Variants in SGTB observed in about 807,000 individuals in gnomAD.
The protein encoded by SGTB is small glutamine-rich tetratricopeptide repeat-containing protein beta.
A neutral mutation model predicts 43.9 loss-of-function variants in SGTB; 19 were observed. The ratio of observed to expected loss-of-function variants is 0.43; its 90% CI spans 0.30 to 0.63. SGTB has a LOEUF of 0.63. Ranked by LOEUF, SGTB falls within the 30% of genes least tolerant of loss-of-function variation. The pLI, the probability that SGTB is intolerant of heterozygous loss-of-function variation, is 0.12. For synonymous variants in SGTB, 116 were observed against 117.3 expected, an observed-to-expected ratio of 0.99 and a Z score of 0.07; for missense variants, 304 against 358.9, an observed-to-expected ratio of 0.85 and a Z score of 1.24.
At chr5:65,696,815 C>G (rs1168327611) in intron 5 of SGTB, among the ~76,000 whole-genome samples, 2 of 151,984 alleles carry the variant, frequency 1.3e-5, no homozygotes, top group Non-Finnish European at 2.9e-5. Context: ...AAAGTGGAGC[C>G]TAAAGCATCA....
At chr5:65,688,113 T>C (rs534301969) in intron 5 of SGTB, among the ~76,000 whole-genome samples, 35 of 152,160 alleles carry the variant, frequency 2.3e-4, no homozygotes, top group Non-Finnish European at 4.4e-4. Flanking sequence ...CCAAATTTCA[T>C]CTAAGAATTC....
At chr5:65,688,123 CACA>C (rs913030465) in intron 5 of SGTB, among the ~76,000 whole-genome samples, 2 of 152,066 alleles carry the variant, frequency 1.3e-5, no homozygotes, top group African/African-American at 2.4e-5. Flanking sequence ...TCTAAGAATT[CACA>C]ACATTTATTG....
intron 5 of SGTB, among the ~76,000 whole-genome samples, chr5:65,691,529 T>C (rs1387733402): frequency 6.6e-6 from 1 of 151,536 alleles, no homozygotes; most frequent in Non-Finnish European, 1.5e-5. Context: ...TGTTTCACCA[T>C]ATTGGCCAGG....
chr5:65,705,879 A>C (rs1368043991), intron 4 of SGTB, among the ~76,000 whole-genome samples: 3 of 143,366 alleles, frequency 2.1e-5, no homozygotes, highest in Admixed American at 7.0e-5. Flanking sequence ...AAAAAAAAAA[A>C]CACAAAAATT....
intron 1 of SGTB, among the ~76,000 whole-genome samples, chr5:65,721,673 G>C (rs1758284788): frequency 6.6e-6 from 1 of 152,212 alleles, no homozygotes; most frequent in South Asian, 2.1e-4. Context: ...AGGCCACGGG[G>C]TCATAAGCAC....
At chr5:65,711,535 C>T (rs1344596377) in intron 3 of SGTB, among the ~76,000 whole-genome samples, 1 of 152,184 alleles carries the variant, frequency 6.6e-6, no homozygotes, top group African/African-American at 2.4e-5. Context: ...CTGAGGGGGC[C>T]ACAGGCCCAG....
intron 3 of SGTB, among the ~76,000 whole-genome samples, chr5:65,709,317 A>G (rs1235525381): frequency 2.0e-5 from 3 of 152,104 alleles, no homozygotes; most frequent in African/African-American, 7.2e-5. Flanking sequence ...ACACATTAAA[A>G]ACAGCCTGGA....
chr5:65,716,076 T>C (rs1000269136), intron 2 of SGTB, among the ~76,000 whole-genome samples: 4 of 152,154 alleles, frequency 2.6e-5, no homozygotes, highest in Non-Finnish European at 5.9e-5. Flanking sequence ...GGCCCACAGC[T>C]GCAGGTTTAA....
At chr5:65,714,197 C>A (rs1487137546) in intron 2 of SGTB, among the ~76,000 whole-genome samples, 1 of 152,064 alleles carries the variant, frequency 6.6e-6, no homozygotes, top group Non-Finnish European at 1.5e-5. Flanking sequence ...GGAAGAAGCA[C>A]TAAATATTAA....
upstream of SGTB, chr5:65,722,719 A>G: frequency 2.4e-6 from 1 of 418,526 alleles, no homozygotes. Flanking sequence ...TGGATAAGAA[A>G]ATCATTTCAC....
At chr5:65,694,562 G>A (rs1045629995) in intron 5 of SGTB, among the ~76,000 whole-genome samples, 3 of 152,024 alleles carry the variant, frequency 2.0e-5, no homozygotes, top group African/African-American at 4.8e-5. Flanking sequence ...TGCAACCTCC[G>A]CCTCCCGGAT....
Position 65,667,241 on chromosome 5 carries a change from TCTGTAGTGTATTCC to T in SGTB, c.*2991_*3004del. On this transcript the variant is annotated 3_prime_UTR_variant, in exon 11 of 11. Transcript: ENST00000381007. ...AGTTAGCCTTTTAATAACTATAGTG[TCTGTAGTGTATTCC>T]CTTTCATTTCTGACACTGAATTTGT... is the stretch of plus-strand genomic sequence containing the variant. 1 of 102,568 alleles carries T rather than the reference TCTGTAGTGTATTCC, an allele frequency of 9.7e-6. No individual in the cohort carries two copies. Among genetic ancestry groups the T allele is most frequent in the South Asian group, 3.3e-4 (1 of 2,988 alleles). 6.4% of individuals were successfully genotyped at this position (102,568 alleles called of 1,614,324 possible). A position where few individuals can be genotyped will look rare whatever the true frequency, so the allele number is the denominator to read the frequency against.
chr5:65,699,663 C>T (rs1385033642), intron 5 of SGTB, among the ~76,000 whole-genome samples: 3 of 152,182 alleles, frequency 2.0e-5, no homozygotes, highest in Admixed American at 1.3e-4. Context: ...GACAGGATTT[C>T]ATCACATTGG....
chr5:65,722,476 G>A, upstream of SGTB: 1 of 1,445,162 alleles, frequency 6.9e-7, no homozygotes, highest in Non-Finnish European at 9.4e-7. Flanking sequence ...GCCGTGTGGT[G>A]CCTGGAGCCC....
upstream of SGTB, among the ~76,000 whole-genome samples, chr5:65,722,590 G>A (rs1328707661): frequency 2.0e-5 from 3 of 152,206 alleles, no homozygotes; most frequent in Admixed American, 6.5e-5. Context: ...GGCCACCTGG[G>A]GCCACCTTTC....
rs1165013135 is a variant in SGTB, at chr5:65,673,292, G to A, written c.682-1011C>T. Among the ~76,000 whole-genome samples the A allele has an allele frequency of 2.0e-5, 3 of 152,272 alleles. No homozygotes were observed. The East Asian group carries it at 5.8e-4, about 29-fold the overall frequency. Reference sequence around the variant, plus strand: ...TCCTAGCATGGGCCTGCTACAGACTGACCGGTTGTAGTAGAAAAGAGGCAC... The same window carrying A: ...TCCTAGCATGGGCCTGCTACAGACTAACCGGTTGTAGTAGAAAAGAGGCAC... On this transcript the variant is annotated intron_variant, in intron 8 of 10. Transcript: ENST00000381007.
intron 6 of SGTB, among the ~76,000 whole-genome samples, chr5:65,682,635 AC>A (rs1757419295): frequency 6.6e-6 from 1 of 152,204 alleles, no homozygotes; most frequent in Admixed American, 6.5e-5. Context: ...TAGGCTTCTG[AC>A]CTGTGCATGG....
chr5:65,722,214 C>A (rs1292019129), upstream of SGTB: 1 of 376,562 alleles, frequency 2.7e-6, no homozygotes, highest in Non-Finnish European at 4.6e-6. Flanking sequence ...TAGGCGCCGG[C>A]GTGGAGCTGC....
Position 65,670,917 on chromosome 5 carries a change from A to T in SGTB, c.804-560T>A, listed in dbSNP as rs144007934. On this transcript the variant is annotated intron_variant, in intron 10 of 10. Transcript: ENST00000381007. ...ACAACAAGTGGTACTGTGGCTTCAT[A>T]TAAAATGTCCAGCGAGAGCATCAGA... Among the ~76,000 whole-genome samples the T allele has an allele frequency of 5.4e-3, 822 of 152,360 alleles. 5 individuals are homozygous for T. The highest frequency in any genetic ancestry group is 9.5e-3 in the Non-Finnish European group (645 of 68,028).
Sources: allele counts gnomAD v4.1 joint callset (sites outside exome capture counted in the v4.1 genomes callset), GRCh38; gene constraint gnomAD v4.1.1; transcripts MANE v1.5; gene names NCBI Gene and HGNC (gene_info 2026-07-23, HGNC 2026-07-21).